Variants in CDH4 observed in about 807,000 individuals in gnomAD.
CDH4 encodes the protein cadherin 4, also known as cadherin-4.
Under a neutral mutation model 86.0 loss-of-function variants are expected in CDH4, and 33 were observed. That is an observed-to-expected ratio of 0.38 (90% CI 0.29 to 0.51). The LOEUF is 0.51. Ranked by LOEUF, CDH4 falls within the 20% of genes least tolerant of loss-of-function variation. The pLI is 0.86. For synonymous variants in CDH4, 555 were observed against 549.4 expected, an observed-to-expected ratio of 1.01 and a Z score of -0.14; for missense variants, 1,114 against 1,307.4, an observed-to-expected ratio of 0.85 and a Z score of 2.28.
At position 61,716,441 on chromosome 20, in the gene CDH4, G is replaced by A. The variant is rs544914709; in HGVS notation, c.170-27122G>A. Among the ~76,000 whole-genome samples, 8 of 147,728 alleles carry A rather than the reference G, an allele frequency of 5.4e-5. No individual in the cohort carries two copies. The East Asian group carries it at 5.8e-4, about 11-fold the overall frequency. On this transcript the variant is annotated intron_variant, in intron 2 of 15. Transcript: ENST00000614565. ...GAGCTGCCTCTTGCCCTGAGCTGGG[G>A]CTTTGGGGGCAGGACCCAGCAGGAG... is the stretch of plus-strand genomic sequence containing the variant.
In CDH4 at chr20:61,743,506, T is replaced by G; in HGVS notation, c.170-57T>G. 2.2e-6 allele frequency: 3 copies of G among 1,392,580 alleles called. No homozygotes were observed. In the Admixed American group the frequency reaches 5.9e-5, roughly 27 times the overall value. The allele number at this position is 1,392,580 out of a possible 1,614,324, so 86.3% of individuals were successfully genotyped here. A position where few individuals can be genotyped will look rare whatever the true frequency, so the allele number is the denominator to read the frequency against. On this transcript the variant is annotated intron_variant, in intron 2 of 15. Coordinates refer to ENST00000614565, the MANE Select transcript of CDH4 (RefSeq NM_001794.5). The stretch of plus-strand genomic sequence containing the variant: ...GGGCGTCCTGCGTGGTTGCTGCCAT[T>G]GTTACCGCCCTTCTGCTGGCCAAGC...
intron 2 of CDH4, among the ~76,000 whole-genome samples, chr20:61,258,346 GA>G (rs1234257125): frequency 5.1e-4 from 22 of 42,786 alleles, no homozygotes; most frequent in African/African-American, 1.5e-3. Flanking sequence ...AAAAAAAAAA[GA>G]AAAAAAAAAA....
intron 7 of CDH4, among the ~76,000 whole-genome samples, chr20:61,893,975 G>C (rs904143981): frequency 6.6e-6 from 1 of 152,152 alleles, no homozygotes; most frequent in Non-Finnish European, 1.5e-5. Flanking sequence ...ACACCGCTAG[G>C]AGCTGGTCTT....
chr20:61,319,007 A>G (rs866535313), intron 2 of CDH4, among the ~76,000 whole-genome samples: 13 of 152,366 alleles, frequency 8.5e-5, no homozygotes, highest in Middle Eastern at 3.4e-3. Flanking sequence ...CACACCATGC[A>G]TGTCACATGA....
At chr20:61,354,415 CCA>C (rs1468527556) in intron 2 of CDH4, among the ~76,000 whole-genome samples, 1 of 152,226 alleles carries the variant, frequency 6.6e-6, no homozygotes, top group Non-Finnish European at 1.5e-5. Context: ...ATGGCCATCC[CCA>C]CTTTGCTGGG....
At chr20:61,682,257 G>A (rs115962768) in intron 2 of CDH4, among the ~76,000 whole-genome samples, 6,905 of 151,876 alleles carry the variant, frequency 0.045, 297 homozygotes, top group African/African-American at 0.1. Context: ...TGGACGGATG[G>A]ATAGAGGAAC....
chr20:61,867,855 G>A (rs1285207605), intron 6 of CDH4, among the ~76,000 whole-genome samples: 1 of 152,184 alleles, frequency 6.6e-6, no homozygotes, highest in African/African-American at 2.4e-5. Flanking sequence ...AACTAAGGTG[G>A]CCCACGAGGC....
chr20:61,926,087 C>T (rs1052586149), intron 11 of CDH4, among the ~76,000 whole-genome samples: 2 of 152,170 alleles, frequency 1.3e-5, no homozygotes, highest in East Asian at 3.9e-4. Flanking sequence ...GCGTCTGCCC[C>T]AAGGAGACCG....
chr20:61,802,871 C>T lies in CDH4; in HGVS notation c.576+29689C>T, dbSNP rs551331622. Among the ~76,000 whole-genome samples the T allele has an allele frequency of 2.6e-5, 4 of 152,356 alleles. No homozygotes were observed. The East Asian group carries it at 7.7e-4, about 29-fold the overall frequency. Reference sequence around the variant, plus strand: ...AGGTGCATGCAGCGTTCCTCCCCGTCCTCCTGGCTGCTGCCTTTTGCGGGA... The same window carrying T: ...AGGTGCATGCAGCGTTCCTCCCCGTTCTCCTGGCTGCTGCCTTTTGCGGGA... On this transcript the variant is annotated intron_variant, in intron 4 of 15. Transcript: ENST00000614565.
At chr20:61,782,806 G>A (rs1978618880) in intron 4 of CDH4, among the ~76,000 whole-genome samples, 1 of 152,182 alleles carries the variant, frequency 6.6e-6, no homozygotes, top group Admixed American at 6.5e-5. Flanking sequence ...CTTTAAGGCT[G>A]GGTGCAGTGG....
chr20:61,380,103 A>G (rs759028765), intron 2 of CDH4, among the ~76,000 whole-genome samples: 1 of 152,204 alleles, frequency 6.6e-6, no homozygotes. Flanking sequence ...TGCATAATTT[A>G]TGCTCAGTGA....
chr20:61,714,023 T>TATGTTATGTTATGTTATG (rs2087922880), intron 2 of CDH4, among the ~76,000 whole-genome samples: 3 of 123,912 alleles, frequency 2.4e-5, no homozygotes, highest in East Asian at 2.5e-4. Flanking sequence ...CTATTCTTTT[T>TATGTTATGTTATGTTATG]TTATTTTATT....
In CDH4 at chr20:61,506,544, G is replaced by A. The variant is rs73318402; in HGVS notation, c.170-237019G>A. On this transcript the variant is annotated intron_variant, in intron 2 of 15. Coordinates refer to ENST00000614565, the MANE Select transcript of CDH4 (RefSeq NM_001794.5). ...ATTAAGCTTCCATTTTGGCAGCTTTGCCTGTTGGGCAGAATTGTATCAGAG... is the reference window on the plus strand; with the variant it reads ...ATTAAGCTTCCATTTTGGCAGCTTTACCTGTTGGGCAGAATTGTATCAGAG... Among the ~76,000 whole-genome samples, 1,234 of 152,282 alleles carry A rather than the reference G, an allele frequency of 8.1e-3. 20 individuals are homozygous for A. Among genetic ancestry groups the A allele is most frequent in the African/African-American group, 0.028 (1,159 of 41,544 alleles).
chr20:61,842,876 T>G (rs1185827175), intron 4 of CDH4, among the ~76,000 whole-genome samples: 3 of 152,216 alleles, frequency 2.0e-5, no homozygotes, highest in African/African-American at 7.2e-5. Flanking sequence ...GGTTATGGGT[T>G]TGCAGGCACT....
chr20:61,746,604 G>A (rs973794026), intron 3 of CDH4, among the ~76,000 whole-genome samples: 6 of 152,248 alleles, frequency 3.9e-5, no homozygotes, highest in African/African-American at 1.4e-4. Context: ...CAGGGTGTGG[G>A]TGCACGGCAA....
chr20:61,747,218 G>A (rs1340663044), intron 3 of CDH4, among the ~76,000 whole-genome samples: 1 of 152,164 alleles, frequency 6.6e-6, no homozygotes, highest in Non-Finnish European at 1.5e-5. Context: ...GAGGCGGGCG[G>A]ATCATGAGGT....
At chr20:61,521,173 G>A (rs749690081) in intron 2 of CDH4, among the ~76,000 whole-genome samples, 15 of 152,182 alleles carry the variant, frequency 9.9e-5, no homozygotes, top group South Asian at 4.1e-4. Flanking sequence ...TTTCCAGCAC[G>A]TGTGGAGGGC....
At chr20:61,620,101 C>T (rs1199268226) in intron 2 of CDH4, among the ~76,000 whole-genome samples, 1 of 81,692 alleles carries the variant, frequency 1.2e-5, no homozygotes, top group African/African-American at 4.3e-5. Context: ...AGATGAAAGG[C>T]CCAGAGGGGT....
intron 7 of CDH4, among the ~76,000 whole-genome samples, chr20:61,883,327 G>A (rs544168200): frequency 9.2e-5 from 14 of 152,214 alleles, no homozygotes; most frequent in Admixed American, 2.0e-4. Context: ...ATTTGCTGTC[G>A]GTCTCCTCCC....
Sources: gnomAD v4.1 joint callset for allele counts (sites outside exome capture counted in the v4.1 genomes callset) on GRCh38, gnomAD v4.1.1 for gene constraint, MANE v1.5 for transcripts, NCBI Gene and HGNC (gene_info 2026-07-23, HGNC 2026-07-21) for gene names.